Variants in ZNF91 observed in about 807,000 individuals in gnomAD.
ZNF91 encodes the protein zinc finger protein 91 (HPF7, HTF10).
A neutral mutation model predicts 12.6 loss-of-function variants in ZNF91; 7 were observed. The observed-to-expected ratio is 0.55, with a 90% confidence interval of 0.31 to 1.04. The LOEUF (loss-of-function observed/expected upper bound fraction) is 1.04, where lower values mean the gene tolerates loss of function less well. Among genes scored for constraint, ZNF91 ranks in the 50% least tolerant of loss-of-function variants. ZNF91 has a pLI of 0.05. For synonymous variants in ZNF91, 453 were observed against 462.6 expected (o/e 0.98, Z 0.27); for missense variants, 1,217 against 1,385.4 (o/e 0.88, Z 1.93).
intron 1 of ZNF91, chr19:23,324,643 G>A (rs1190695313): frequency 6.6e-6 from 1 of 151,920 alleles, no homozygotes; most frequent in African/African-American, 2.4e-5. Flanking sequence ...AGGCTGCAGT[G>A]CAGTGGCACA....
intron 3 of ZNF91, among the ~76,000 whole-genome samples, chr19:23,349,799 C>T (rs570094454): frequency 6.6e-6 from 1 of 152,266 alleles, no homozygotes; most frequent in African/African-American, 2.4e-5. Context: ...GTGGGCAACA[C>T]TCTCGGAGTA....
rs1046725770 is a variant in ZNF91, at chr19:23,366,680, A to T, written c.254-3955T>A. Among the ~76,000 whole-genome samples, 4 of 152,242 alleles carry T rather than the reference A, an allele frequency of 2.6e-5. No individual in the cohort carries two copies. In the East Asian group the frequency reaches 7.7e-4, roughly 29 times the overall value. On this transcript the variant is annotated intron_variant, in intron 3 of 3. Coordinates refer to ENST00000300619, the MANE Select transcript of ZNF91 (RefSeq NM_003430.4). ...TAACAGACAGAGCAAGTACGAGGTG[A>T]AGGAGCCAGGTTCTTCTAACAAACC...
intron 2 of ZNF91, chr19:23,308,175 C>T (rs913848479): frequency 2.6e-5 from 4 of 152,128 alleles, no homozygotes; most frequent in Non-Finnish European, 5.9e-5. Flanking sequence ...GGCTCAACCC[C>T]TAGCAGGTGG....
At chr19:23,368,558 C>CTATA (rs1392705570) in intron 3 of ZNF91, among the ~76,000 whole-genome samples, 194 of 121,836 alleles carry the variant, frequency 1.6e-3, no homozygotes, top group East Asian at 5.3e-3. Context: ...CTCTCTCTCT[C>CTATA]TCTCTATATA....
downstream of ZNF91, among the ~76,000 whole-genome samples, chr19:23,356,386 A>AT (rs1275255340): frequency 6.6e-6 from 1 of 152,186 alleles, no homozygotes; most frequent in Non-Finnish European, 1.5e-5. Flanking sequence ...GCACACACAC[A>AT]TACATATATA....
intron 1 of ZNF91, among the ~76,000 whole-genome samples, chr19:23,310,207 A>G (rs1967451036): frequency 6.6e-6 from 1 of 152,182 alleles, no homozygotes; most frequent in Non-Finnish European, 1.5e-5. Context: ...ATAACAGAAC[A>G]TGTCTTAACA....
chr19:23,362,806 A>G, intron 3 of ZNF91, 81 bp from the exon 4 acceptor site: 1 of 1,299,564 alleles, frequency 7.7e-7, no homozygotes. Context: ...CTTACCTACA[A>G]AATTATACAA....
At chr19:23,371,831 T>C (rs1969290256) in intron 3 of ZNF91, among the ~76,000 whole-genome samples, 1 of 152,196 alleles carries the variant, frequency 6.6e-6, no homozygotes, top group Non-Finnish European at 1.5e-5. Flanking sequence ...AATGAGAAAC[T>C]TAATAGATAA....
At position 23,369,153 on chromosome 19, in the gene ZNF91, T is replaced by C. The variant is rs1015738350; in HGVS notation, c.253+4589A>G. On this transcript the variant is annotated intron_variant, in intron 3 of 3. Transcript: ENST00000300619. ...GGTGAAACCCTGTCTCTACTAAAAA[T>C]ACAAAAATTACCCAGGTGTGGTGAC... Among the ~76,000 whole-genome samples the C allele has an allele frequency of 3.3e-5, 5 of 152,094 alleles. No homozygotes were observed. In the South Asian group the frequency reaches 1.0e-3, roughly 32 times the overall value.
Position 23,360,459 on chromosome 19 carries a change from G to T in ZNF91, c.2520C>A (p.Ala840=). 1 of 1,613,470 alleles carries T rather than the reference G, an allele frequency of 6.2e-7. No individual in the cohort carries two copies. Among genetic ancestry groups the T allele is most frequent in the Non-Finnish European group, 8.5e-7 (1 of 1,179,866 alleles). The part of the protein sequence containing the change: ...ECGKAFKHSS[A]LAKHKIIHAG... ...CATGTATTATTTTATGTTTAGCAAG[G>T]GCTGAGGAGTGCTTAAAAGCTTTGC... The change falls in exon 4 of 4, where the codon GCC becomes GCA. Residue 840 remains alanine, a synonymous_variant. Transcript: ENST00000300619.
intron 1 of ZNF91, among the ~76,000 whole-genome samples, chr19:23,321,441 T>TG (rs1225664300): frequency 6.6e-6 from 1 of 151,832 alleles, no homozygotes; most frequent in Non-Finnish European, 1.5e-5. Flanking sequence ...AAAAGGGGAT[T>TG]GTGATATCTC....
At chr19:23,349,056 AC>A (rs1167910034) in intron 3 of ZNF91, among the ~76,000 whole-genome samples, 2 of 151,944 alleles carry the variant, frequency 1.3e-5, no homozygotes, top group Middle Eastern at 3.4e-3. Context: ...CTGCTCTTGA[AC>A]CCTGTTTCCT....
At chr19:23,331,601 T>C (rs1271940909) in intron 1 of ZNF91, among the ~76,000 whole-genome samples, 1 of 152,204 alleles carries the variant, frequency 6.6e-6, no homozygotes, top group Non-Finnish European at 1.5e-5. Context: ...ACTCATCTTC[T>C]CCGTTTCTCA....
chr19:23,310,396 A>G (rs1420298835), intron 1 of ZNF91, among the ~76,000 whole-genome samples: 2 of 152,194 alleles, frequency 1.3e-5, no homozygotes, highest in Admixed American at 1.3e-4. Flanking sequence ...TGTCTCTCAG[A>G]TCAAAATCTA....
downstream of ZNF91, among the ~76,000 whole-genome samples, chr19:23,355,859 CAAA>C (rs1462306123): frequency 6.6e-6 from 1 of 151,994 alleles, no homozygotes; most frequent in African/African-American, 2.4e-5. Flanking sequence ...AGAAAATTCT[CAAA>C]AGAAGATATA....
In ZNF91 at chr19:23,361,120, T is replaced by C. The variant is rs1968733165; in HGVS notation, c.1859A>G (p.His620Arg). ...TTTCTCTCCAGTGTGTATCCTCTTA[T>C]GTCTTCTTAGGGTTGAGGACCATAG... ...AFLWSSTLRR[H>R]KRIHTGEKPY... Residue 620 changes from histidine to arginine, a missense_variant, in exon 4 of 4, where the codon CAT becomes CGT. By Grantham distance (29) the His-to-Arg change is conservative. Around this residue, in one of 2 missense-constraint regions of ZNF91, gnomAD observed 726 missense variants for 895.5 expected, o/e 0.81. Coordinates refer to ENST00000300619, the MANE Select transcript of ZNF91 (RefSeq NM_003430.4). 6.2e-7 allele frequency: 1 copy of C among 1,613,848 alleles called. No homozygotes were observed. Among genetic ancestry groups the C allele is most frequent in the Non-Finnish European group, 8.5e-7 (1 of 1,179,944 alleles).
rs112203297 is a variant in ZNF91 at position 23,385,054 on chromosome 19, G to A, written c.30+10271C>T. 50 of 1,157,420 alleles carry A rather than the reference G, an allele frequency of 4.3e-5. No homozygotes were observed. The African/African-American group carries it at 5.0e-4, about 12-fold the overall frequency. The allele number at this position is 1,157,420 out of a possible 1,614,324, so 71.7% of individuals were successfully genotyped here. On this transcript the variant is annotated intron_variant, in intron 1 of 3. Coordinates refer to ENST00000300619, the MANE Select transcript of ZNF91 (RefSeq NM_003430.4). ...GGGAGACACCTCATGGGGCTCCAGC[G>A]GTTCCGCATCTCAGTCCAGACAGGG... is the stretch of plus-strand genomic sequence containing the variant.
At chr19:23,315,493 G>A (rs74983030), upstream of ZNF91, among the ~76,000 whole-genome samples, 28 of 152,252 alleles carry the variant, frequency 1.8e-4, no homozygotes, top group East Asian at 5.4e-3. Flanking sequence ...CACAAGCAAT[G>A]TCATTCCTCT....
At position 23,362,604 on chromosome 19, in the gene ZNF91, A is replaced by G. The variant is rs1968855408; in HGVS notation, c.375T>C (p.Gly125=). Residue 125 remains glycine (G), a synonymous_variant, in exon 4 of 4, where the codon GGT becomes GGC. Coordinates refer to ENST00000300619, the MANE Select transcript of ZNF91 (RefSeq NM_003430.4). ...CCTTACACTCATCCACACTTTTACA[A>G]CCTTTTCTTAACTGTAAATTCTCAT... ...CGHENLQLRK[G]CKSVDECKVH... 6.3e-7 allele frequency: 1 copy of G among 1,593,076 alleles called. No individual in the cohort carries two copies. The highest frequency in any genetic ancestry group is 8.5e-7 in the Non-Finnish European group (1 of 1,173,596).
Sources: allele counts gnomAD v4.1 joint callset (sites outside exome capture counted in the v4.1 genomes callset), GRCh38; gene constraint gnomAD v4.1.1; regional missense constraint gnomAD v4.1.1; transcripts MANE v1.5; gene names NCBI Gene and HGNC (gene_info 2026-07-23, HGNC 2026-07-21).